GABRB2: variants seen among roughly 807,000 people sequenced by gnomAD.
GABRB2 encodes the protein gamma-aminobutyric acid receptor subunit beta-2.
Under a neutral mutation model 54.7 loss-of-function variants are expected in GABRB2, and 16 were observed. That is an observed-to-expected ratio of 0.29 (90% CI 0.20 to 0.44). GABRB2 has a LOEUF of 0.44. Among genes scored for constraint, GABRB2 ranks in the 20% least tolerant of loss-of-function variants. The pLI is 1.00. For missense variants in GABRB2, 355 were observed against 644.0 expected, an observed-to-expected ratio of 0.55 and a Z score of 4.86; for synonymous variants, 244 against 233.8, an observed-to-expected ratio of 1.04 and a Z score of -0.40.
At chr5:161,313,103 A>G (rs1757922254) in intron 9 of GABRB2, among the ~76,000 whole-genome samples, 1 of 152,208 alleles carries the variant, frequency 6.6e-6, no homozygotes, top group South Asian at 2.1e-4. Context: ...GGAAGGATGC[A>G]GGTCAAGCTG....
At chr5:161,381,343 A>G (rs1755460783) in intron 5 of GABRB2, among the ~76,000 whole-genome samples, 1 of 152,188 alleles carries the variant, frequency 6.6e-6, no homozygotes, top group Non-Finnish European at 1.5e-5. Context: ...CAGCACTACC[A>G]TCACATCCTT....
chr5:161,405,205 G>A (rs2910283), intron 5 of GABRB2, among the ~76,000 whole-genome samples: 106,999 of 151,838 alleles, frequency 0.7, 39,000 homozygotes, highest in South Asian at 0.81. Flanking sequence ...TAAATGTTCC[G>A]TCCAACACTC....
At chr5:161,424,530 C>T (rs1756942619) in intron 4 of GABRB2, among the ~76,000 whole-genome samples, 1 of 152,112 alleles carries the variant, frequency 6.6e-6, no homozygotes, top group Admixed American at 6.6e-5. Flanking sequence ...CTGTTTACAG[C>T]ATGATTTACT....
At chr5:161,498,643 T>C (rs1163946207) in intron 3 of GABRB2, among the ~76,000 whole-genome samples, 1 of 152,118 alleles carries the variant, frequency 6.6e-6, no homozygotes, top group East Asian at 1.9e-4. Flanking sequence ...TAAAAGAGTC[T>C]TGGAACATGA....
chr5:161,331,814 G>C (rs1481553166), intron 7 of GABRB2, among the ~76,000 whole-genome samples: 2 of 152,106 alleles, frequency 1.3e-5, no homozygotes, highest in Non-Finnish European at 2.9e-5. Flanking sequence ...TTTGCATTTA[G>C]AACAATCACT....
chr5:161,317,462 G>C (rs1157929039), intron 9 of GABRB2, among the ~76,000 whole-genome samples: 2 of 152,086 alleles, frequency 1.3e-5, no homozygotes, highest in Non-Finnish European at 2.9e-5. Flanking sequence ...TTTACTTCTG[G>C]AAAAATATAA....
chr5:161,474,097 G>A (rs1252842031), intron 3 of GABRB2, among the ~76,000 whole-genome samples: 2 of 151,966 alleles, frequency 1.3e-5, no homozygotes, highest in African/African-American at 4.8e-5. Flanking sequence ...CCAGTGCCAA[G>A]GCCCTAGAGC....
intron 4 of GABRB2, among the ~76,000 whole-genome samples, chr5:161,416,712 A>AAAAAAAAAAAAAAAAAAAAAAAC (rs1756684634): frequency 6.8e-6 from 1 of 146,400 alleles, no homozygotes; most frequent in South Asian, 2.2e-4. Context: ...AAAAAAAAAA[A>AAAAAAAAAAAAAAAAAAAAAAAC]AAAAAAAAAA....
chr5:161,322,267 C>T (rs1758232902), intron 9 of GABRB2, among the ~76,000 whole-genome samples: 1 of 151,988 alleles, frequency 6.6e-6, no homozygotes, highest in Non-Finnish European at 1.5e-5. Flanking sequence ...ATAGAGTCTC[C>T]CTCTTTCACC....
chr5:161,386,657 G>A (rs183804249), intron 5 of GABRB2, among the ~76,000 whole-genome samples: 3 of 151,692 alleles, frequency 2.0e-5, no homozygotes, highest in South Asian at 4.2e-4. Flanking sequence ...ACCCATCCTC[G>A]CCCCAGTGCT....
chr5:161,529,429 A>G (rs577956657), intron 3 of GABRB2, among the ~76,000 whole-genome samples: 2 of 152,018 alleles, frequency 1.3e-5, no homozygotes, highest in Admixed American at 6.6e-5. Context: ...AACACAAAAT[A>G]AATGGGATAG....
At chr5:161,359,941 C>T (rs934351657) in intron 5 of GABRB2, among the ~76,000 whole-genome samples, 1 of 152,026 alleles carries the variant, frequency 6.6e-6, no homozygotes, top group African/African-American at 2.4e-5. Flanking sequence ...ATTAGCTGGG[C>T]ATGGTGGCAG....
At chr5:161,340,264 C>G (rs932391183) in intron 5 of GABRB2, among the ~76,000 whole-genome samples, 2 of 151,998 alleles carry the variant, frequency 1.3e-5, no homozygotes, top group Non-Finnish European at 2.9e-5. Flanking sequence ...GGCAAAATGA[C>G]AGTGTTTGCT....
chr5:161,544,531 C>G (rs895378361), intron 3 of GABRB2, among the ~76,000 whole-genome samples: 2 of 152,230 alleles, frequency 1.3e-5, no homozygotes, highest in African/African-American at 4.8e-5. Context: ...CCTCTTAACA[C>G]TTGCCCCAAG....
chr5:161,501,475 C>G (rs17059509), intron 3 of GABRB2, among the ~76,000 whole-genome samples: 6,611 of 152,110 alleles, frequency 0.043, 421 homozygotes, highest in Admixed American at 0.16. Flanking sequence ...TGCTATTTCC[C>G]TTTTGACAGT....
chr5:161,410,739 G>A lies in GABRB2; in HGVS notation c.541+236C>T, dbSNP rs551394137. Among the ~76,000 whole-genome samples the A allele has an allele frequency of 7.9e-5, 12 of 152,072 alleles. No individual in the cohort carries two copies. The highest frequency in any genetic ancestry group is 1.5e-4 in the Non-Finnish European group (10 of 67,998). ...AGGCTGTTAGCATATTCCTTTTATT[G>A]CCAGATTATTTCTTCCCTAAATATC... On this transcript the variant is annotated intron_variant, in intron 5 of 9. Coordinates refer to ENST00000393959, the MANE Select transcript of GABRB2 (RefSeq NM_001371727.1).
intron 9 of GABRB2, among the ~76,000 whole-genome samples, chr5:161,321,753 C>T (rs568157079): frequency 1.6e-4 from 25 of 151,978 alleles, no homozygotes; most frequent in Non-Finnish European, 2.8e-4. Flanking sequence ...TTTTTTCTCC[C>T]TTGTAGGTCA....
intron 3 of GABRB2, among the ~76,000 whole-genome samples, chr5:161,538,193 G>A (rs1760702377): frequency 6.6e-6 from 1 of 152,012 alleles, no homozygotes; most frequent in African/African-American, 2.4e-5. Context: ...TACTACTATA[G>A]AAGTGAATTT....
At chr5:161,431,414 C>A (rs568117238) in intron 4 of GABRB2, among the ~76,000 whole-genome samples, 4 of 152,170 alleles carry the variant, frequency 2.6e-5, no homozygotes, top group African/African-American at 9.6e-5. Flanking sequence ...CAAGAGATAG[C>A]AATTAATGCT....
Sources: gnomAD v4.1 joint callset for allele counts (sites outside exome capture counted in the v4.1 genomes callset) on GRCh38, gnomAD v4.1.1 for gene constraint, MANE v1.5 for transcripts, NCBI Gene and HGNC (gene_info 2026-07-23, HGNC 2026-07-21) for gene names.